Variants in MDGA2 observed in about 807,000 individuals in gnomAD.
MDGA2 encodes MAM domain containing glycosylphosphatidylinositol anchor 2, also known as MAM domain-containing glycosylphosphatidylinositol anchor protein 2.
Under a neutral mutation model 117.8 loss-of-function variants are expected in MDGA2, and 40 were observed. The observed-to-expected ratio is 0.34, with a 90% CI of 0.26 to 0.44. MDGA2 has a LOEUF of 0.44. Ranked by LOEUF, MDGA2 falls within the 20% of genes least tolerant of loss-of-function variation. The pLI, the probability that MDGA2 is intolerant of heterozygous loss-of-function variation, is 1.00. For synonymous variants in MDGA2, 452 were observed against 439.0 expected (o/e 1.03, Z -0.37); for missense variants, 1,123 against 1,250.6 (o/e 0.90, Z 1.54).
At chr14:47,199,694 G>C (rs1301715802) in intron 3 of MDGA2, among the ~76,000 whole-genome samples, 1 of 152,010 alleles carries the variant, frequency 6.6e-6, no homozygotes, top group Non-Finnish European at 1.5e-5. Flanking sequence ...AAACAGACAG[G>C]TATTTGTTAC....
intron 10 of MDGA2, among the ~76,000 whole-genome samples, chr14:46,883,629 TC>T (rs1882551376): frequency 1.5e-5 from 1 of 67,510 alleles, no homozygotes; most frequent in Non-Finnish European, 3.1e-5. Context: ...TACGTAGGAA[TC>T]TCTCTCTTTC....
chr14:46,917,502 G>A (rs749592173), intron 10 of MDGA2, among the ~76,000 whole-genome samples: 2 of 152,058 alleles, frequency 1.3e-5, no homozygotes, highest in African/African-American at 4.8e-5. Flanking sequence ...ACATGCTCAA[G>A]GTTATGTAGC....
intron 13 of MDGA2, 198 bp downstream of exon 13, chr14:46,873,847 C>G: frequency 3.5e-6 from 2 of 576,878 alleles, no homozygotes; most frequent in Non-Finnish European, 5.6e-6. Flanking sequence ...CCTATTCTCT[C>G]TACTATATGT....
chr14:47,517,508 T>G (rs938821766), intron 1 of MDGA2, among the ~76,000 whole-genome samples: 2 of 152,076 alleles, frequency 1.3e-5, no homozygotes, highest in African/African-American at 4.8e-5. Flanking sequence ...AAATCACAGA[T>G]GAGATTTGAA....
At chr14:47,379,427 T>C (rs1034030034) in intron 1 of MDGA2, among the ~76,000 whole-genome samples, 6 of 151,970 alleles carry the variant, frequency 3.9e-5, no homozygotes, top group Non-Finnish European at 2.9e-5. Context: ...GACTGGCAAA[T>C]TGGATAAAGA....
chr14:47,571,714 T>G, intron 1 of MDGA2, among the ~76,000 whole-genome samples: 1 of 129,604 alleles, frequency 7.7e-6, no homozygotes, highest in Non-Finnish European at 1.5e-5. Context: ...TGAGAACACA[T>G]GGACATAAGG....
chr14:47,158,001 A>T (rs1490603674), intron 3 of MDGA2, among the ~76,000 whole-genome samples: 2 of 99,524 alleles, frequency 2.0e-5, no homozygotes. Context: ...CTAATACAGT[A>T]TCTATACACA....
intron 1 of MDGA2, among the ~76,000 whole-genome samples, chr14:47,486,492 C>A (rs1894064340): frequency 2.0e-5 from 3 of 152,070 alleles, no homozygotes; most frequent in Admixed American, 6.5e-5. Context: ...TGAGCTGAGA[C>A]TTTAGGGGAC....
rs1594856241 is a variant in MDGA2 at position 47,437,353 on chromosome 14, C to T, written c.281-135803G>A. Among the ~76,000 whole-genome samples the T allele has an allele frequency of 2.0e-5, 3 of 152,112 alleles. No individual in the cohort carries two copies. In the East Asian group the frequency reaches 5.8e-4, roughly 29 times the overall value. The stretch of plus-strand genomic sequence containing the variant: ...AATTAAATGTGATAATGCACCTAAC[C>T]ATGGCCTAGTCAAGGGCATATGGTA... On this transcript the variant is annotated intron_variant, in intron 1 of 16. Transcript: ENST00000399232.
chr14:47,424,258 C>CA (rs1344991352), intron 1 of MDGA2, among the ~76,000 whole-genome samples: 4 of 151,904 alleles, frequency 2.6e-5, no homozygotes, highest in Non-Finnish European at 5.9e-5. Context: ...GTCGTCTCTA[C>CA]AAAAAAATTT....
At chr14:47,087,824 CA>C (rs1890962973) in intron 6 of MDGA2, among the ~76,000 whole-genome samples, 1 of 147,292 alleles carries the variant, frequency 6.8e-6, no homozygotes, top group Non-Finnish European at 1.5e-5. Context: ...AAAAAACTAC[CA>C]AGAGTCTCAA....
At chr14:47,567,853 G>C (rs1042070663) in intron 1 of MDGA2, among the ~76,000 whole-genome samples, 4 of 152,052 alleles carry the variant, frequency 2.6e-5, no homozygotes, top group Non-Finnish European at 5.9e-5. Context: ...TTCCAGGCAT[G>C]GCTGAAATTC....
chr14:46,896,265 T>A (rs544803475), intron 10 of MDGA2, among the ~76,000 whole-genome samples: 23 of 152,234 alleles, frequency 1.5e-4, no homozygotes, highest in Admixed American at 1.4e-3. Flanking sequence ...TGATAAAAAA[T>A]TTAATTCTCA....
intron 3 of MDGA2, among the ~76,000 whole-genome samples, chr14:47,146,223 T>C (rs1220823232): frequency 2.0e-5 from 3 of 152,188 alleles, no homozygotes; most frequent in African/African-American, 7.2e-5. Flanking sequence ...AAAAAGTTTT[T>C]TTTCAAATGT....
At chr14:47,012,845 T>A (rs1360526499) in intron 8 of MDGA2, among the ~76,000 whole-genome samples, 1 of 152,122 alleles carries the variant, frequency 6.6e-6, no homozygotes, top group Non-Finnish European at 1.5e-5. Flanking sequence ...TTTTTTGGTT[T>A]CCCTGTGCAT....
intron 1 of MDGA2, among the ~76,000 whole-genome samples, chr14:47,386,626 A>T (rs1246867347): frequency 6.6e-6 from 1 of 152,238 alleles, no homozygotes; most frequent in Non-Finnish European, 1.5e-5. Flanking sequence ...AAAAGGAAAA[A>T]TGGAGAGACA....
chr14:47,587,147 T>C (rs1896340557), intron 1 of MDGA2, among the ~76,000 whole-genome samples: 1 of 151,628 alleles, frequency 6.6e-6, no homozygotes. Flanking sequence ...CAAAATACGC[T>C]GGGGCCTATC....
chr14:47,467,992 T>C (rs186462211), intron 1 of MDGA2, among the ~76,000 whole-genome samples: 19 of 152,248 alleles, frequency 1.2e-4, no homozygotes, highest in Non-Finnish European at 2.6e-4. Context: ...AAACAAGACC[T>C]TATCCTATAA....
At chr14:47,051,786 C>T (rs1192517706) in intron 7 of MDGA2, among the ~76,000 whole-genome samples, 2 of 151,866 alleles carry the variant, frequency 1.3e-5, no homozygotes, top group African/African-American at 4.8e-5. Context: ...GCCTGTGGAT[C>T]CAATCATCAT....
Sources: gnomAD v4.1 joint callset for allele counts (sites outside exome capture counted in the v4.1 genomes callset) on GRCh38, gnomAD v4.1.1 for gene constraint, MANE v1.5 for transcripts, NCBI Gene and HGNC (gene_info 2026-07-23, HGNC 2026-07-21) for gene names.